Variants in ASIP observed in about 807,000 individuals in gnomAD.
ASIP encodes agouti-signaling protein.
Under a neutral mutation model 10.3 loss-of-function variants are expected in ASIP, and 11 were observed. That is an observed-to-expected ratio of 1.07 (90% CI 0.68 to 1.78). The LOEUF is 1.78. ASIP is among the 40% of genes most tolerant of loss of function. The pLI, the probability that ASIP is intolerant of heterozygous loss-of-function variation, is 0.00. For synonymous variants in ASIP, 70 were observed against 70.8 expected (o/e 0.99, Z 0.06); for missense variants, 180 against 169.2 (o/e 1.06, Z -0.35).
chr20:34,237,428 G>T (rs2035225405), upstream of ASIP, among the ~76,000 whole-genome samples: 1 of 152,108 alleles, frequency 6.6e-6, no homozygotes, highest in Non-Finnish European at 1.5e-5. Flanking sequence ...TGCTTTTGTA[G>T]ATTGAATCAT....
chr20:34,214,677 A>G (rs111404676), intron 1 of ASIP: 2 of 1,075,544 alleles, frequency 1.9e-6, no homozygotes, highest in African/African-American at 1.5e-5. Flanking sequence ...ACATGGCTTT[A>G]TCTTGACCCT....
chr20:34,258,698 A>ATATATATATATATATATATATAC (rs1568768756), intron 1 of ASIP, among the ~76,000 whole-genome samples: 1 of 62,046 alleles, frequency 1.6e-5, no homozygotes, highest in African/African-American at 8.8e-5. Context: ...TATACATACT[A>ATATATATATATATATATATATAC]TATATATATA....
chr20:34,243,466 A>AT (rs966887274), intron 1 of ASIP, among the ~76,000 whole-genome samples: 4 of 151,124 alleles, frequency 2.6e-5, no homozygotes, highest in East Asian at 4.1e-4. Context: ...ATTATTCTGA[A>AT]TTTTTTTTTA....
At chr20:34,216,013 G>A (rs2035005772) in intron 1 of ASIP, 1 of 693,326 alleles carries the variant, frequency 1.4e-6, no homozygotes, top group Admixed American at 1.9e-5. Flanking sequence ...TCCATGGTCA[G>A]CCAGCGGAAC....
At chr20:34,246,669 G>A (rs1437958343) in intron 1 of ASIP, 50 of 489,220 alleles carry the variant, frequency 1.0e-4, no homozygotes, top group Non-Finnish European at 7.7e-6. Flanking sequence ...TGTTGCCCAG[G>A]CTGGTCTTGA....
At chr20:34,238,689 G>A (rs185410535), upstream of ASIP, among the ~76,000 whole-genome samples, 929 of 152,048 alleles carry the variant, frequency 6.1e-3, 11 homozygotes, top group Non-Finnish European at 5.5e-3. Context: ...TCCTTTGAAT[G>A]TGCCATATTT....
At chr20:34,204,345 C>T (rs532941069) in intron 1 of ASIP, among the ~76,000 whole-genome samples, 5 of 151,822 alleles carry the variant, frequency 3.3e-5, no homozygotes, top group African/African-American at 9.7e-5. Flanking sequence ...CTCAGCCTTC[C>T]GAGTAGCTGG....
intron 1 of ASIP, among the ~76,000 whole-genome samples, chr20:34,209,862 G>A (rs1038856280): frequency 2.0e-5 from 3 of 152,200 alleles, no homozygotes; most frequent in African/African-American, 7.2e-5. Context: ...CTGAAGGCTG[G>A]GAGTCTGGCT....
chr20:34,253,853 G>A (rs992974284), intron 1 of ASIP, among the ~76,000 whole-genome samples: 1 of 152,152 alleles, frequency 6.6e-6, no homozygotes, highest in Admixed American at 6.5e-5. Context: ...TGACTCGTGT[G>A]TCTGGATCCT....
At chr20:34,241,059 T>G (rs935826157), upstream of ASIP, among the ~76,000 whole-genome samples, 5 of 152,184 alleles carry the variant, frequency 3.3e-5, no homozygotes, top group African/African-American at 7.2e-5. Flanking sequence ...GACGCTCTGC[T>G]TTGGCGACCC....
intron 1 of ASIP, among the ~76,000 whole-genome samples, chr20:34,217,874 C>CTTT (rs1019306665): frequency 2.6e-5 from 4 of 152,184 alleles, no homozygotes; most frequent in African/African-American, 9.7e-5. Context: ...GCTGAAAGCT[C>CTTT]TTTTCAGCCT....
At chr20:34,218,524 T>C (rs2035024283) in intron 1 of ASIP, among the ~76,000 whole-genome samples, 2 of 152,200 alleles carry the variant, frequency 1.3e-5, no homozygotes, top group African/African-American at 4.8e-5. Flanking sequence ...GTCTTATAGC[T>C]GGATACTTCT....
chr20:34,191,410 G>A (rs2034823764), upstream of ASIP, among the ~76,000 whole-genome samples: 2 of 152,078 alleles, frequency 1.3e-5, no homozygotes. Context: ...CAGTGCCTTT[G>A]CTTACCTCCC....
chr20:34,213,906 A>C (rs1280237093), intron 1 of ASIP: 15 of 1,586,918 alleles, frequency 9.5e-6, no homozygotes, highest in Non-Finnish European at 1.1e-5. Context: ...ATCCAACAGC[A>C]TGGTTGAGAC....
intron 1 of ASIP, among the ~76,000 whole-genome samples, chr20:34,206,556 C>A (rs1568746282): frequency 6.6e-6 from 1 of 152,036 alleles, no homozygotes; most frequent in Non-Finnish European, 1.5e-5. Flanking sequence ...CCACTGTATA[C>A]ATATACCACT....
intron 1 of ASIP, among the ~76,000 whole-genome samples, chr20:34,195,529 C>A (rs1026368647): frequency 2.0e-5 from 3 of 152,160 alleles, no homozygotes; most frequent in Non-Finnish European, 4.4e-5. Flanking sequence ...AGCAGGAGGG[C>A]CCCATGCAAA....
chr20:34,248,528 C>T (rs911636424), intron 1 of ASIP, among the ~76,000 whole-genome samples: 3 of 152,128 alleles, frequency 2.0e-5, no homozygotes, highest in Non-Finnish European at 2.9e-5. Context: ...TCAGGTCAGG[C>T]ACGATGGCTC....
At chr20:34,235,836 A>AGAAG (rs2035181030) in intron 1 of ASIP, among the ~76,000 whole-genome samples, 3 of 64,190 alleles carry the variant, frequency 4.7e-5, no homozygotes, top group African/African-American at 1.6e-4. Context: ...AAAGAAAGAA[A>AGAAG]GAAAGAAGGA....
upstream of ASIP, among the ~76,000 whole-genome samples, chr20:34,189,716 G>A (rs1245841867): frequency 6.6e-6 from 1 of 152,186 alleles, no homozygotes; most frequent in Admixed American, 6.5e-5. Flanking sequence ...AGGAAGTGGG[G>A]ACTCTACCAA....
Sources: allele counts gnomAD v4.1 joint callset (sites outside exome capture counted in the v4.1 genomes callset), GRCh38; gene constraint gnomAD v4.1.1; transcripts MANE v1.5; gene names NCBI Gene and HGNC (gene_info 2026-07-23, HGNC 2026-07-21).